The following PAX5 variants were observed in gnomAD, a reference collection of about 807,000 sequenced individuals.
The protein encoded by PAX5 is paired box protein Pax-5.
Under a neutral mutation model 43.7 loss-of-function variants are expected in PAX5, and 9 were observed. The ratio of observed to expected loss-of-function variants is 0.21; its 90% CI spans 0.12 to 0.36. The LOEUF (loss-of-function observed/expected upper bound fraction) is 0.36. PAX5 is among the 10% of genes least tolerant of loss of function. The probability of loss-of-function intolerance (pLI) is 1.00; values close to 1 mark genes in which losing one functional copy is unlikely to be tolerated. For missense variants in PAX5, 383 were observed against 532.7 expected (o/e 0.72, Z 2.77); for synonymous variants, 228 against 214.3 (o/e 1.06, Z -0.56).
chr9:36,954,486 T>G (rs141321940), intron 6 of PAX5, among the ~76,000 whole-genome samples: 1 of 152,362 alleles, frequency 6.6e-6, no homozygotes, highest in Non-Finnish European at 1.5e-5. Context: ...CCTTCACTGT[T>G]AAATGATCAT....
intron 7 of PAX5, among the ~76,000 whole-genome samples, chr9:36,921,930 C>T (rs796961748): frequency 2.6e-5 from 4 of 152,276 alleles, no homozygotes; most frequent in African/African-American, 7.2e-5. Flanking sequence ...GGGACCCCCT[C>T]GGACACCTGT....
At chr9:36,969,845 C>T (rs915521098) in intron 5 of PAX5, among the ~76,000 whole-genome samples, 2 of 152,254 alleles carry the variant, frequency 1.3e-5, no homozygotes, top group South Asian at 2.1e-4. Flanking sequence ...CACTCTCACC[C>T]CACCAGCACC....
chr9:37,002,987 G>A (rs1435425708), intron 4 of PAX5: 2 of 565,304 alleles, frequency 3.5e-6, no homozygotes, highest in Admixed American at 3.3e-5. Flanking sequence ...GCGATGGGGG[G>A]AGAAAGGGAA....
intron 7 of PAX5, among the ~76,000 whole-genome samples, chr9:36,907,472 G>A (rs1828920153): frequency 6.6e-6 from 1 of 152,152 alleles, no homozygotes; most frequent in Non-Finnish European, 1.5e-5. Flanking sequence ...TCCTGTGGAT[G>A]CCAAGGTGCC....
chr9:37,026,762 G>C (rs1840424517), intron 1 of PAX5: 1 of 976,704 alleles, frequency 1.0e-6, no homozygotes, highest in Non-Finnish European at 1.2e-6. Flanking sequence ...TGCGCGGAGA[G>C]GCGGGAAATG....
At chr9:36,846,514 C>T (rs1822587713) in intron 9 of PAX5, among the ~76,000 whole-genome samples, 1 of 152,234 alleles carries the variant, frequency 6.6e-6, no homozygotes, top group African/African-American at 2.4e-5. Context: ...TGTCATTATG[C>T]TTAAGAAATA....
intron 8 of PAX5, among the ~76,000 whole-genome samples, chr9:36,848,885 T>G (rs1472587958): frequency 6.6e-6 from 1 of 152,234 alleles, no homozygotes; most frequent in Non-Finnish European, 1.5e-5. Context: ...AGATTGGCTT[T>G]GGCTCCTGCA....
intron 6 of PAX5, among the ~76,000 whole-genome samples, chr9:36,935,868 C>T (rs1563985612): frequency 6.6e-6 from 1 of 152,222 alleles, no homozygotes. Context: ...GCTCCAGTTC[C>T]AACAGAGGTC....
intron 5 of PAX5, among the ~76,000 whole-genome samples, chr9:36,969,582 C>T (rs906552449): frequency 6.6e-6 from 1 of 152,256 alleles, no homozygotes; most frequent in Non-Finnish European, 1.5e-5. Flanking sequence ...GCACAGGCAG[C>T]CTCGCTGGAC....
chr9:36,868,049 A>G (rs1414662819), intron 8 of PAX5, among the ~76,000 whole-genome samples: 2 of 152,186 alleles, frequency 1.3e-5, no homozygotes, highest in Non-Finnish European at 2.9e-5. Context: ...GATGAGGGCG[A>G]GAGGCAAGTC....
At chr9:36,893,277 G>A (rs183594214) in intron 7 of PAX5, among the ~76,000 whole-genome samples, 18 of 152,294 alleles carry the variant, frequency 1.2e-4, no homozygotes, top group East Asian at 3.9e-4. Flanking sequence ...AACTTCTCGC[G>A]TTCAAGGACA....
chr9:36,887,002 G>C (rs1410753031), intron 7 of PAX5, among the ~76,000 whole-genome samples: 1 of 152,150 alleles, frequency 6.6e-6, no homozygotes, highest in Non-Finnish European at 1.5e-5. Context: ...CTGAGAGGAA[G>C]GGGAAGAACA....
At chr9:36,852,670 G>A (rs560318615) in intron 8 of PAX5, among the ~76,000 whole-genome samples, 28 of 152,298 alleles carry the variant, frequency 1.8e-4, no homozygotes, top group African/African-American at 5.3e-4. Flanking sequence ...AGTCCCTCCC[G>A]GCATTCTGCC....
chr9:37,018,833 C>G (rs1474614853), intron 2 of PAX5, among the ~76,000 whole-genome samples: 1 of 152,156 alleles, frequency 6.6e-6, no homozygotes, highest in South Asian at 2.1e-4. Flanking sequence ...GCCGGCTGGT[C>G]TCGGAAGCAT....
rs1471740873 is a variant in PAX5, at chr9:36,913,502, A to G, written c.910+9853T>C. Among the ~76,000 whole-genome samples, 4 of 152,210 alleles carry G rather than the reference A, an allele frequency of 2.6e-5. 1 individual carries two copies. The East Asian group carries it at 5.8e-4, about 22-fold the overall frequency. On this transcript the variant is annotated intron_variant, in intron 7 of 9. Coordinates refer to ENST00000358127, the MANE Select transcript of PAX5 (RefSeq NM_016734.3). ...GCTGTCCTCTCTGGCAGGTAGGCACAGTGGCTCCCCCATCAGCAGGCCTGT... is the reference window on the plus strand; with the variant it reads ...GCTGTCCTCTCTGGCAGGTAGGCACGGTGGCTCCCCCATCAGCAGGCCTGT...
chr9:36,930,216 CTTTTTTTTT>C (rs144710055), intron 6 of PAX5, among the ~76,000 whole-genome samples: 1 of 85,522 alleles, frequency 1.2e-5, no homozygotes, highest in East Asian at 3.9e-4. Context: ...GATGGATGTC[CTTTTTTTTT>C]TTTTTTTTTT....
chr9:36,980,146 A>G (rs1273047619), intron 5 of PAX5, among the ~76,000 whole-genome samples: 1 of 152,204 alleles, frequency 6.6e-6, no homozygotes. Context: ...CCAAGCCAAG[A>G]CTATGCTTAG....
chr9:37,030,020 G>T (rs908100260), intron 1 of PAX5, among the ~76,000 whole-genome samples: 37 of 152,196 alleles, frequency 2.4e-4, no homozygotes, highest in African/African-American at 7.5e-4. Flanking sequence ...GCCCGCACAC[G>T]CAGGTTTTCC....
At chr9:36,847,953 G>A (rs574527454) in intron 8 of PAX5, among the ~76,000 whole-genome samples, 62 of 152,258 alleles carry the variant, frequency 4.1e-4, no homozygotes, top group African/African-American at 1.4e-3. Flanking sequence ...TGGACTCATC[G>A]CCAGGTGCCC....
Sources: allele counts gnomAD v4.1 joint callset (sites outside exome capture counted in the v4.1 genomes callset), GRCh38; gene constraint gnomAD v4.1.1; transcripts MANE v1.5; gene names NCBI Gene and HGNC (gene_info 2026-07-23, HGNC 2026-07-21).